Variants in TUB observed in about 807,000 individuals in gnomAD.
The protein encoded by TUB is tubby protein homolog.
TUB carries 33 observed loss-of-function variants against 59.7 expected under a neutral mutation model. The observed-to-expected ratio is 0.55, with a 90% CI of 0.42 to 0.74. TUB has a LOEUF of 0.74. Among genes scored for constraint, TUB ranks in the 30% least tolerant of loss-of-function variants. TUB has a pLI of 0.00. For missense variants in TUB, 659 were observed against 672.0 expected (o/e 0.98, Z 0.21); for synonymous variants, 293 against 256.4 (o/e 1.14, Z -1.36).
chr11:8,089,414 G>C (rs538871112), intron 1 of TUB, among the ~76,000 whole-genome samples, 196 bp from the exon 2 acceptor site: 13 of 152,286 alleles, frequency 8.5e-5, no homozygotes, highest in Non-Finnish European at 1.5e-4. Flanking sequence ...CAAAGTGGCA[G>C]CTCGAGCCCT....
At position 8,100,531 on chromosome 11, in the gene TUB, CT is replaced by C; in HGVS notation, c.1146del (p.Arg383GlyfsTer3). On this transcript the variant is annotated frameshift_variant, in exon 10 of 12. Coordinates refer to ENST00000299506, the MANE Select transcript of TUB (RefSeq NM_177972.3). LOFTEE classifies it high-confidence loss of function. The stretch of plus-strand genomic sequence containing the variant: ...ACAAACGTCTTAGGCTTCAAGGGGC[CT>C]CGGAAGATGAGCGTGATTGTCCCAG... ...YETNVLGFKG[P>X]RKMSVIVPGM... is the part of the protein sequence containing the mutation. 6.2e-7 allele frequency: 1 copy of C among 1,614,090 alleles called. No individual in the cohort carries two copies. Among genetic ancestry groups the C allele is most frequent in the Non-Finnish European group, 8.5e-7 (1 of 1,180,006 alleles).
At chr11:8,032,974 G>A (rs1341189439) in intron 1 of TUB, among the ~76,000 whole-genome samples, 2 of 152,196 alleles carry the variant, frequency 1.3e-5, no homozygotes, top group South Asian at 2.1e-4. Context: ...AAGCAGGCCA[G>A]TTCTGGGCAT....
At chr11:8,025,846 G>A (rs553327133) in intron 1 of TUB, among the ~76,000 whole-genome samples, 1 of 152,308 alleles carries the variant, frequency 6.6e-6, no homozygotes, top group African/African-American at 2.4e-5. Flanking sequence ...TGGAATGGCT[G>A]AATCATATAA....
chr11:8,095,999 A>G (rs775006716), intron 5 of TUB, among the ~76,000 whole-genome samples: 59 of 152,334 alleles, frequency 3.9e-4, no homozygotes, highest in African/African-American at 1.4e-3. Flanking sequence ...CCTGCTGTTC[A>G]GTTTTCCCAC....
Position 8,096,687 on chromosome 11 carries a change from A to G in TUB, c.568A>G (p.Ile190Val), listed in dbSNP as rs745495516. The G allele has an allele frequency of 3.1e-6, 5 of 1,600,048 alleles. No homozygotes were observed. In the African/African-American group the frequency reaches 6.7e-5, roughly 21 times the overall value. ...TTCTTCTTCTCTCCTTGGCCCAGGCATCTCCAGCAGCATGAGCTTTGACGA... is the reference window on the plus strand; with the variant it reads ...TTCTTCTTCTCTCCTTGGCCCAGGCGTCTCCAGCAGCATGAGCTTTGACGA... ...DLRATMQRKG[I>V]SSSMSFDEDE... Residue 190 changes from isoleucine (I) to valine (V), a missense_variant and splice_region_variant, in exon 6 of 12, where the codon ATC becomes GTC. Transcript: ENST00000299506.
At chr11:8,020,974 A>C (rs1279446669) in intron 1 of TUB, among the ~76,000 whole-genome samples, 1 of 152,214 alleles carries the variant, frequency 6.6e-6, no homozygotes, top group Non-Finnish European at 1.5e-5. Flanking sequence ...AAGCAGTGAC[A>C]TATTCTGGGA....
At chr11:8,090,894 G>A (rs987759605) in intron 3 of TUB, among the ~76,000 whole-genome samples, 3 of 151,198 alleles carry the variant, frequency 2.0e-5, no homozygotes, top group Non-Finnish European at 4.4e-5. Flanking sequence ...TGAAGAGTAG[G>A]CCAGGCCAGA....
chr11:8,094,247 G>A, intron 4 of TUB, 58 bp downstream of exon 4: 3 of 1,532,626 alleles, frequency 2.0e-6, no homozygotes, highest in Non-Finnish European at 2.6e-6. Context: ...TGTAGGGCTG[G>A]GGAAGGTTTG....
chr11:8,100,367 G>C (rs1944220176), intron 9 of TUB, 136 bp from the exon 10 acceptor site: 1 of 705,400 alleles, frequency 1.4e-6, no homozygotes, highest in Admixed American at 2.1e-5. Flanking sequence ...GGCCGTGTTA[G>C]GTTTAGAGGG....
chr11:8,082,428 A>G (rs2133816603), intron 1 of TUB, among the ~76,000 whole-genome samples: 1 of 151,836 alleles, frequency 6.6e-6, no homozygotes. Context: ...TATCCACTCT[A>G]CTCCATTCTA....
intron 2 of TUB, among the ~76,000 whole-genome samples, chr11:8,065,051 T>C (rs1177059239): frequency 6.6e-6 from 1 of 152,128 alleles, no homozygotes; most frequent in African/African-American, 2.4e-5. Flanking sequence ...CAATGTATAA[T>C]ATAGGTAGCA....
At chr11:8,090,651 CCT>C (rs891205521) in intron 3 of TUB, among the ~76,000 whole-genome samples, 3 of 152,192 alleles carry the variant, frequency 2.0e-5, no homozygotes, top group Non-Finnish European at 4.4e-5. Context: ...TTTTTCCTTC[CCT>C]CTCTGCACCG....
upstream of TUB, chr11:8,035,835 G>C (rs1165003506): frequency 6.6e-6 from 1 of 152,310 alleles, no homozygotes; most frequent in Non-Finnish European, 1.5e-5. Flanking sequence ...ATTCCTCTAG[G>C]GGGAGGACAG....
intron 1 of TUB, among the ~76,000 whole-genome samples, chr11:8,019,607 G>T (rs1373385096): frequency 2.0e-5 from 3 of 152,110 alleles, no homozygotes; most frequent in Non-Finnish European, 4.4e-5. Flanking sequence ...TGGGACTAGC[G>T]AGCTGGCACC....
upstream of TUB, among the ~76,000 whole-genome samples, chr11:8,037,164 A>G (rs570891772): frequency 5.9e-5 from 9 of 152,316 alleles, no homozygotes; most frequent in African/African-American, 2.2e-4. Flanking sequence ...AGGTGCCGGC[A>G]TGCAGGATGT....
At chr11:8,085,247 A>T (rs1943643237) in intron 1 of TUB, among the ~76,000 whole-genome samples, 1 of 152,156 alleles carries the variant, frequency 6.6e-6, no homozygotes, top group Admixed American at 6.5e-5. Flanking sequence ...AGAATCACCC[A>T]TGGCACTTGC....
chr11:8,090,611 C>CCG (rs1943753595), intron 3 of TUB, among the ~76,000 whole-genome samples: 1 of 152,220 alleles, frequency 6.6e-6, no homozygotes, highest in East Asian at 1.9e-4. Flanking sequence ...TGTCCTGCCC[C>CCG]ATATCAACCA....
intron 8 of TUB, 36 bp from the exon 9 acceptor site, chr11:8,098,722 G>A: frequency 6.7e-7 from 1 of 1,487,648 alleles, no homozygotes; most frequent in Non-Finnish European, 9.4e-7. Context: ...GGGGCAGAGG[G>A]TGCATGACTC....
Position 8,096,726 on chromosome 11 carries a change from G to A in TUB, c.607G>A (p.Glu203Lys). ...GAGCTTTGACGAGGATGAGGAGGAT[G>A]AGGAGGAGAATAGCTCCAGCTCCTC... ...SMSFDEDEED[E>K]EENSSSSSQL... Residue 203 changes from glutamate (E) to lysine (K), a missense_variant, in exon 6 of 12, where the codon GAG becomes AAG. Transcript: ENST00000299506. The A allele has an allele frequency of 5.0e-6, 8 of 1,613,872 alleles. No homozygotes were observed. The highest frequency in any genetic ancestry group is 6.8e-6 in the Non-Finnish European group (8 of 1,179,810).
Sources: allele counts gnomAD v4.1 joint callset (sites outside exome capture counted in the v4.1 genomes callset), GRCh38; gene constraint gnomAD v4.1.1; transcripts MANE v1.5; gene names NCBI Gene and HGNC (gene_info 2026-07-23, HGNC 2026-07-21).